The following ITSN2 variants were observed in gnomAD, a reference collection of about 807,000 sequenced individuals.
ITSN2 encodes the protein intersectin-2.
In ITSN2, 156 loss-of-function variants were observed where a neutral mutation model predicts 243.7. The ratio of observed to expected loss-of-function variants is 0.64; its 90% CI spans 0.56 to 0.73. The LOEUF (loss-of-function observed/expected upper bound fraction) is 0.73, where lower values mean the gene tolerates loss of function less well. ITSN2 is among the 30% of genes least tolerant of loss of function. The probability of loss-of-function intolerance (pLI) is 0.00; values close to 1 mark genes in which losing one functional copy is unlikely to be tolerated. For missense variants in ITSN2, 1,801 were observed against 1,996.1 expected, an observed-to-expected ratio of 0.90 and a Z score of 1.86; for synonymous variants, 703 against 699.9, an observed-to-expected ratio of 1.00 and a Z score of -0.07.
chr2:24,236,771 T>C (rs899540612), intron 29 of ITSN2, among the ~76,000 whole-genome samples: 1 of 150,954 alleles, frequency 6.6e-6, no homozygotes, highest in Non-Finnish European at 1.5e-5. Flanking sequence ...CCAGGCTCAA[T>C]TGAACTGCCT....
intron 29 of ITSN2, among the ~76,000 whole-genome samples, chr2:24,228,386 A>G (rs922408997): frequency 3.9e-5 from 6 of 152,230 alleles, no homozygotes; most frequent in Non-Finnish European, 7.3e-5. Context: ...AAGGAAAAAG[A>G]AAAGAGATAT....
chr2:24,328,161 A>G (rs1415507171), intron 1 of ITSN2, 46 bp from the exon 2 acceptor site: 3 of 1,441,668 alleles, frequency 2.1e-6, no homozygotes, highest in Non-Finnish European at 2.9e-6. Context: ...ACAAGGGCAA[A>G]TCACAGTTTA....
intron 1 of ITSN2, among the ~76,000 whole-genome samples, chr2:24,350,542 C>T (rs1687928211): frequency 6.6e-6 from 1 of 152,140 alleles, no homozygotes; most frequent in Admixed American, 6.6e-5. Context: ...GCATTATTCA[C>T]AATAGCCAAA....
chr2:24,295,647 A>G lies in ITSN2; in HGVS notation c.1635+17T>C. ...AATTGTACATGTTTAAGAACAATTT[A>G]GCAGTGAAGGACTTACCTGAAGTTC... On this transcript the variant is annotated intron_variant, in intron 14 of 39. Transcript: ENST00000355123. 6.6e-7 allele frequency: 1 copy of G among 1,507,008 alleles called. No individual in the cohort carries two copies. Among genetic ancestry groups the G allele is most frequent in the Non-Finnish European group, 8.8e-7 (1 of 1,136,062 alleles). The allele number at this position is 1,507,008 out of a possible 1,614,324, so 93.4% of individuals were successfully genotyped here.
intron 5 of ITSN2, among the ~76,000 whole-genome samples, chr2:24,311,062 T>TACAC (rs71397421): frequency 0.056 from 8,248 of 147,942 alleles, 766 homozygotes; most frequent in African/African-American, 0.19. Context: ...ACTTGACTAA[T>TACAC]ACACACACAC....
Position 24,246,832 on chromosome 2 carries a change from G to C in ITSN2, c.3350C>G (p.Pro1117Arg). 1 of 1,612,776 alleles carries C rather than the reference G, an allele frequency of 6.2e-7. No homozygotes were observed. Among genetic ancestry groups the C allele is most frequent in the African/African-American group, 1.3e-5 (1 of 74,930 alleles). The change falls in exon 28 of 40, where the codon CCA becomes CGA. Residue 1117 changes from proline (P) to arginine (R), a missense_variant. Around this residue, in one of 5 missense-constraint regions of ITSN2, gnomAD observed 928 missense variants for 1,065.4 expected, o/e 0.87. Transcript: ENST00000355123. The part of the protein sequence containing the change: ...FPASHVKLLG[P>R]SSERATPAFH... ...GGCAGGTGTGGCTCTTTCACTACTTGGACCCAAAAGTTTAACATGACTGGC... is the reference window on the plus strand; with the variant it reads ...GGCAGGTGTGGCTCTTTCACTACTTCGACCCAAAAGTTTAACATGACTGGC...
intron 29 of ITSN2, among the ~76,000 whole-genome samples, chr2:24,228,092 G>A (rs1671219949): frequency 6.6e-6 from 1 of 152,074 alleles, no homozygotes; most frequent in African/African-American, 2.4e-5. Flanking sequence ...AATGGCTTCT[G>A]ATTAGGAAAA....
chr2:24,229,253 A>C (rs1671341899), intron 29 of ITSN2, among the ~76,000 whole-genome samples: 1 of 152,186 alleles, frequency 6.6e-6, no homozygotes, highest in Non-Finnish European at 1.5e-5. Context: ...AACAAGGTTA[A>C]CATATGAACA....
intron 2 of ITSN2, among the ~76,000 whole-genome samples, chr2:24,325,513 ACT>A: frequency 1.3e-5 from 2 of 152,120 alleles, no homozygotes; most frequent in African/African-American, 4.8e-5. Context: ...AAATATATCA[ACT>A]AACAGAACCC....
At chr2:24,340,969 C>A (rs2151905346) in intron 1 of ITSN2, among the ~76,000 whole-genome samples, 1 of 152,244 alleles carries the variant, frequency 6.6e-6, no homozygotes, top group Admixed American at 6.5e-5. Context: ...GAGACAAACA[C>A]ACCAATTATG....
intron 17 of ITSN2, among the ~76,000 whole-genome samples, chr2:24,282,697 T>C (rs915213337): frequency 6.6e-6 from 1 of 152,154 alleles, no homozygotes; most frequent in Admixed American, 6.5e-5. Context: ...CCCTAGAGGT[T>C]TGAGCAGGGG....
At chr2:24,231,012 A>C (rs62139993) in intron 29 of ITSN2, among the ~76,000 whole-genome samples, 32 of 152,156 alleles carry the variant, frequency 2.1e-4, no homozygotes, top group African/African-American at 7.5e-4. Context: ...CAGGTGCAAA[A>C]TCTGCCCAGA....
chr2:24,313,347 G>T, intron 4 of ITSN2, 113 bp downstream of exon 4: 3 of 813,552 alleles, frequency 3.7e-6, no homozygotes, highest in South Asian at 3.5e-5. Context: ...AGTGCTGGCA[G>T]AAATATTCTT....
At chr2:24,297,427 T>C (rs1681110688) in intron 13 of ITSN2, among the ~76,000 whole-genome samples, 1 of 152,220 alleles carries the variant, frequency 6.6e-6, no homozygotes, top group South Asian at 2.1e-4. Context: ...CTCTAACATC[T>C]GATTGGTAAA....
intron 2 of ITSN2, 70 bp from the exon 3 acceptor site, chr2:24,315,294 T>C: frequency 1.2e-6 from 1 of 858,596 alleles, no homozygotes. Flanking sequence ...AAAATGTAAA[T>C]AGAAATCACA....
intron 34 of ITSN2, 144 bp downstream of exon 34, chr2:24,210,636 A>AAAAG: frequency 1.7e-6 from 1 of 582,236 alleles, no homozygotes; most frequent in Non-Finnish European, 2.8e-6. Flanking sequence ...AAAAAAAAAG[A>AAAAG]AAAAAAAATG....
chr2:24,203,932 G>T, intron 39 of ITSN2, 149 bp from the exon 40 acceptor site: 1 of 773,188 alleles, frequency 1.3e-6, no homozygotes, highest in Non-Finnish European at 2.0e-6. Context: ...GTGAGTGGGT[G>T]TGTGGGGAAT....
chr2:24,308,526 G>T, intron 8 of ITSN2, 91 bp downstream of exon 8: 1 of 794,650 alleles, frequency 1.3e-6, no homozygotes, highest in Non-Finnish European at 1.8e-6. Context: ...TGTCAGATGA[G>T]CTACACAATA....
intron 17 of ITSN2, among the ~76,000 whole-genome samples, chr2:24,277,295 T>C (rs1420857732): frequency 6.6e-6 from 1 of 152,316 alleles, no homozygotes; most frequent in East Asian, 1.9e-4. Context: ...TGTTTTTTGG[T>C]ATCAACCTAT....
Sources: allele counts gnomAD v4.1 joint callset (sites outside exome capture counted in the v4.1 genomes callset), GRCh38; gene constraint gnomAD v4.1.1; regional missense constraint gnomAD v4.1.1; transcripts MANE v1.5; gene names NCBI Gene and HGNC (gene_info 2026-07-23, HGNC 2026-07-21).